EEF1AKMT2: variants seen among roughly 807,000 people sequenced by gnomAD.
EEF1AKMT2 encodes eukaryotic translation elongation factor 1 alpha lysine methyltransferase 2.
In EEF1AKMT2, 32 loss-of-function variants were observed where a neutral mutation model predicts 35.8. That is an observed-to-expected ratio of 0.89 (90% CI 0.67 to 1.20). The LOEUF (loss-of-function observed/expected upper bound fraction) is 1.20. EEF1AKMT2 is among the 50% of genes most tolerant of loss of function. The pLI is 0.00. For synonymous variants in EEF1AKMT2, 121 were observed against 133.7 expected (o/e 0.91, Z 0.65); for missense variants, 330 against 347.5 (o/e 0.95, Z 0.40).
intron 4 of EEF1AKMT2, among the ~76,000 whole-genome samples, chr10:124,771,384 C>T (rs1950434593): frequency 6.6e-6 from 1 of 151,474 alleles, no homozygotes; most frequent in African/African-American, 2.4e-5. Flanking sequence ...CAGGCGTGAG[C>T]CACCGCGCCC....
Position 124,791,846 on chromosome 10 carries a change from C to T in EEF1AKMT2, c.-13G>A. 5 of 1,557,482 alleles carry T rather than the reference C, an allele frequency of 3.2e-6. No individual in the cohort carries two copies. Among genetic ancestry groups the T allele is most frequent in the African/African-American group, 1.4e-5 (1 of 73,558 alleles). The stretch of plus-strand genomic sequence containing the variant: ...CGCCCGAGCTCATTTCGCTCCACGT[C>T]CTGGACGGCCGTTGGGGCCGCCATA... On this transcript the variant is annotated 5_prime_UTR_variant, in exon 1 of 7. Coordinates refer to ENST00000368836, the MANE Select transcript of EEF1AKMT2 (RefSeq NM_212554.4).
intron 3 of EEF1AKMT2, among the ~76,000 whole-genome samples, chr10:124,780,748 G>A (rs1476930580): frequency 1.3e-5 from 2 of 151,728 alleles, no homozygotes; most frequent in African/African-American, 4.8e-5. Flanking sequence ...GCTTACAGAT[G>A]TAAAAAGTTC....
chr10:124,767,467 G>A lies in EEF1AKMT2; in HGVS notation c.400-1859C>T, dbSNP rs1206992937. Among the ~76,000 whole-genome samples the A allele has an allele frequency of 1.3e-4, 19 of 142,746 alleles. 1 individual carries two copies. In the South Asian group the frequency reaches 2.8e-3, roughly 21 times the overall value. The allele number at this position is 142,746 out of a possible 152,430, so 93.6% of individuals were successfully genotyped here. ...GCAGAGGTTGCAGTGAGCAGAGATC[G>A]CACCACTGCACTACTGTCTAGGCGA... On this transcript the variant is annotated intron_variant, in intron 4 of 6. Coordinates refer to ENST00000368836, the MANE Select transcript of EEF1AKMT2 (RefSeq NM_212554.4).
chr10:124,781,486 G>A (rs1950538919), intron 3 of EEF1AKMT2, among the ~76,000 whole-genome samples: 1 of 151,474 alleles, frequency 6.6e-6, no homozygotes, highest in African/African-American at 2.4e-5. Flanking sequence ...GGCTGAGGCA[G>A]AAGAATCAAT....
intron 3 of EEF1AKMT2, among the ~76,000 whole-genome samples, chr10:124,779,765 A>G (rs1331291279): frequency 6.2e-5 from 9 of 144,488 alleles, no homozygotes; most frequent in African/African-American, 1.5e-4. Flanking sequence ...AAAAAAAAAA[A>G]AAAAAGAAAC....
In EEF1AKMT2 at chr10:124,780,927, A is replaced by T. The variant is rs1204846511; in HGVS notation, c.292-6145T>A. On this transcript the variant is annotated intron_variant, in intron 3 of 6. Coordinates refer to ENST00000368836, the MANE Select transcript of EEF1AKMT2 (RefSeq NM_212554.4). ...GACTGCAGATTCCTCATGAGAAAAC[A>T]TGGAAGTCAAAAACAAGTGACGTAA... is the stretch of plus-strand genomic sequence containing the variant. 2.6e-5 allele frequency among the ~76,000 whole-genome samples: 4 copies of T among 152,056 alleles called. No homozygotes were observed. In the East Asian group the frequency reaches 7.7e-4, roughly 29 times the overall value.
At chr10:124,762,579 C>G in intron 5 of EEF1AKMT2, 21 bp from the exon 6 acceptor site, 2 of 1,108,836 alleles carry the variant, frequency 1.8e-6, no homozygotes, top group South Asian at 2.1e-5. Context: ...GAGAGAGAGA[C>G]AGACCGTTTC....
chr10:124,763,282 A>G (rs1163204896), intron 5 of EEF1AKMT2, among the ~76,000 whole-genome samples: 1 of 152,230 alleles, frequency 6.6e-6, no homozygotes, highest in Admixed American at 6.5e-5. Flanking sequence ...TAAAAAAATT[A>G]TAACACAAAG....
chr10:124,774,374 CAAAAAA>C (rs57130146), intron 4 of EEF1AKMT2, among the ~76,000 whole-genome samples: 39 of 21,706 alleles, frequency 1.8e-3, no homozygotes, highest in South Asian at 3.6e-3. Context: ...GACTCAGTCT[CAAAAAA>C]AAAAAAAAAA....
At chr10:124,775,488 A>G (rs532624357) in intron 3 of EEF1AKMT2, among the ~76,000 whole-genome samples, 185 of 152,320 alleles carry the variant, frequency 1.2e-3, no homozygotes, top group Non-Finnish European at 2.3e-3. Context: ...TAACAACACT[A>G]AACATTTTTA....
chr10:124,769,777 T>A (rs568745722), intron 4 of EEF1AKMT2, among the ~76,000 whole-genome samples: 23 of 150,932 alleles, frequency 1.5e-4, no homozygotes, highest in African/African-American at 5.6e-4. Context: ...TGAAACCCCA[T>A]CGCTACTAAA....
intron 1 of EEF1AKMT2, among the ~76,000 whole-genome samples, chr10:124,790,654 T>C (rs1314300893): frequency 1.3e-5 from 2 of 152,228 alleles, no homozygotes; most frequent in Admixed American, 6.5e-5. Context: ...AGTTCAAAAC[T>C]TGATGAAACA....
chr10:124,756,976 T>C (rs573995288), downstream of EEF1AKMT2, among the ~76,000 whole-genome samples: 6 of 152,318 alleles, frequency 3.9e-5, no homozygotes, highest in South Asian at 2.1e-4. Flanking sequence ...CCTCTTCTTC[T>C]ATGGACATCT....
At chr10:124,777,289 A>G (rs975460611) in intron 3 of EEF1AKMT2, among the ~76,000 whole-genome samples, 16 of 152,122 alleles carry the variant, frequency 1.1e-4, no homozygotes, top group South Asian at 2.1e-4. Flanking sequence ...CAAAAAAAAA[A>G]AAAAAAAGAA....
chr10:124,788,088 TG>T (rs1363297308), intron 3 of EEF1AKMT2, among the ~76,000 whole-genome samples: 16 of 152,214 alleles, frequency 1.1e-4, no homozygotes, highest in African/African-American at 3.6e-4. Flanking sequence ...ACGTATACTT[TG>T]TATTTCAATT....
At chr10:124,770,958 C>T (rs1950427896) in intron 4 of EEF1AKMT2, among the ~76,000 whole-genome samples, 1 of 152,206 alleles carries the variant, frequency 6.6e-6, no homozygotes, top group South Asian at 2.1e-4. Context: ...CCATTGAAAT[C>T]TTGAACCTCT....
downstream of EEF1AKMT2, chr10:124,757,787 T>C (rs1249006046): frequency 6.6e-6 from 1 of 152,032 alleles, no homozygotes; most frequent in Non-Finnish European, 1.5e-5. Flanking sequence ...AAAGGAAAAT[T>C]CAGTGCTACT....
At chr10:124,766,528 T>A (rs1272103745) in intron 4 of EEF1AKMT2, among the ~76,000 whole-genome samples, 1 of 152,220 alleles carries the variant, frequency 6.6e-6, no homozygotes, top group Non-Finnish European at 1.5e-5. Flanking sequence ...AATTTACCAA[T>A]GAAAATTCTG....
intron 3 of EEF1AKMT2, among the ~76,000 whole-genome samples, chr10:124,781,679 G>A (rs1288854472): frequency 7.5e-6 from 1 of 132,588 alleles, no homozygotes; most frequent in Non-Finnish European, 1.6e-5. Flanking sequence ...CTCAGGTAAA[G>A]GAAAACAAAA....
Sources: gnomAD v4.1 joint callset for allele counts (sites outside exome capture counted in the v4.1 genomes callset) on GRCh38, gnomAD v4.1.1 for gene constraint, MANE v1.5 for transcripts, NCBI Gene and HGNC (gene_info 2026-07-23, HGNC 2026-07-21) for gene names.